ZNF385B: variants seen among roughly 807,000 people sequenced by gnomAD.
The protein encoded by ZNF385B is zinc finger protein 533.
In ZNF385B, 23 loss-of-function variants were observed where a neutral mutation model predicts 39.2. The observed-to-expected ratio is 0.59, with a 90% CI of 0.42 to 0.83. The LOEUF is 0.83. Ranked by LOEUF, ZNF385B falls within the 40% of genes least tolerant of loss-of-function variation. The pLI is 0.00. For synonymous variants in ZNF385B, 205 were observed against 222.6 expected, an observed-to-expected ratio of 0.92 and a Z score of 0.70; for missense variants, 552 against 598.9, an observed-to-expected ratio of 0.92 and a Z score of 0.82.
chr2:179,814,577 G>A (rs904165035), intron 1 of ZNF385B: 1 of 744,894 alleles, frequency 1.3e-6, no homozygotes, highest in South Asian at 1.3e-5. Flanking sequence ...AGGACAAGCA[G>A]GAGATGGTCG....
At chr2:179,634,833 G>C (rs938498723) in intron 3 of ZNF385B, among the ~76,000 whole-genome samples, 2 of 152,104 alleles carry the variant, frequency 1.3e-5, no homozygotes, top group African/African-American at 4.8e-5. Flanking sequence ...ACTGGATTAA[G>C]AAAATGTGGC....
At chr2:179,667,734 A>G (rs1372838410) in intron 3 of ZNF385B, among the ~76,000 whole-genome samples, 1 of 150,234 alleles carries the variant, frequency 6.7e-6, no homozygotes, top group Non-Finnish European at 1.5e-5. Flanking sequence ...GAAGAAGGAA[A>G]GGTCCCTAGA....
chr2:179,570,045 T>C (rs1685035594), intron 3 of ZNF385B, among the ~76,000 whole-genome samples: 1 of 152,200 alleles, frequency 6.6e-6, no homozygotes, highest in African/African-American at 2.4e-5. Context: ...ATTCTGAGTC[T>C]GACTGGACAC....
chr2:179,624,904 C>T (rs116011715), intron 3 of ZNF385B, among the ~76,000 whole-genome samples: 5,579 of 152,192 alleles, frequency 0.037, 143 homozygotes, highest in Middle Eastern at 0.065. Flanking sequence ...CATCCAGTTC[C>T]GTTAAATTCT....
intron 6 of ZNF385B, among the ~76,000 whole-genome samples, chr2:179,464,923 T>C (rs879681120): frequency 6.6e-6 from 1 of 152,136 alleles, no homozygotes; most frequent in Non-Finnish European, 1.5e-5. Flanking sequence ...GAAATCTCCA[T>C]GTTCTAAAAG....
chr2:179,599,918 G>A (rs1213457573), intron 3 of ZNF385B, among the ~76,000 whole-genome samples: 3 of 152,186 alleles, frequency 2.0e-5, no homozygotes, highest in African/African-American at 4.8e-5. Flanking sequence ...ATTGGGCTAC[G>A]AGGCAAAGCT....
At chr2:179,797,904 A>G (rs911704568) in intron 1 of ZNF385B, among the ~76,000 whole-genome samples, 1 of 152,134 alleles carries the variant, frequency 6.6e-6, no homozygotes, top group African/African-American at 2.4e-5. Flanking sequence ...CCTACCATTC[A>G]TTCATTTATG....
chr2:179,548,633 C>T lies in ZNF385B; in HGVS notation c.299-3664G>A, dbSNP rs191317731. ...CAGTTCTACATGGCTGGAGAGGCCT[C>T]ACAACCATAGTGGAAGGCAAAGGAG... is the stretch of plus-strand genomic sequence containing the variant. On this transcript the variant is annotated intron_variant, in intron 3 of 9. Coordinates refer to ENST00000410066, the MANE Select transcript of ZNF385B (RefSeq NM_152520.6). 4.5e-4 allele frequency among the ~76,000 whole-genome samples: 67 copies of T among 149,504 alleles called. 3 individuals carry two copies. The highest frequency in any genetic ancestry group is 8.0e-4 in the Non-Finnish European group (54 of 67,652).
chr2:179,463,440 G>T (rs551308265), intron 6 of ZNF385B, among the ~76,000 whole-genome samples: 182 of 152,194 alleles, frequency 1.2e-3, no homozygotes, highest in African/African-American at 4.2e-3. Context: ...TGCCATGGTG[G>T]TTTGCTGCAC....
At chr2:179,704,373 T>C (rs12470217) in intron 3 of ZNF385B, among the ~76,000 whole-genome samples, 17,731 of 152,196 alleles carry the variant, frequency 0.12, 1,117 homozygotes, top group East Asian at 0.22. Context: ...AACTCTAGGA[T>C]GTAGGATTTG....
At chr2:179,608,837 C>T (rs1689045437) in intron 3 of ZNF385B, among the ~76,000 whole-genome samples, 1 of 134,460 alleles carries the variant, frequency 7.4e-6, no homozygotes, top group Non-Finnish European at 1.6e-5. Context: ...CCTGAAGGGC[C>T]AAGACTGTGT....
At chr2:179,563,457 T>C (rs1684173847) in intron 3 of ZNF385B, among the ~76,000 whole-genome samples, 1 of 152,136 alleles carries the variant, frequency 6.6e-6, no homozygotes, top group Non-Finnish European at 1.5e-5. Context: ...CTTAGCACAT[T>C]TACTAACCAC....
At chr2:179,607,955 C>T (rs962869486) in intron 3 of ZNF385B, among the ~76,000 whole-genome samples, 1 of 138,530 alleles carries the variant, frequency 7.2e-6, no homozygotes, top group African/African-American at 2.6e-5. Flanking sequence ...ACTCTTGTTG[C>T]CCAGGCTGGA....
chr2:179,581,450 C>A (rs560323082), intron 3 of ZNF385B, among the ~76,000 whole-genome samples: 1 of 152,180 alleles, frequency 6.6e-6, no homozygotes, highest in Non-Finnish European at 1.5e-5. Context: ...TTTTCAAATG[C>A]AAACATAGTT....
intron 3 of ZNF385B, among the ~76,000 whole-genome samples, chr2:179,689,522 A>T (rs960730389): frequency 3.3e-5 from 5 of 152,144 alleles, no homozygotes; most frequent in Admixed American, 2.0e-4. Context: ...AGAGAAAAGG[A>T]AGGGAACATG....
At position 179,605,688 on chromosome 2, in the gene ZNF385B, AT is replaced by A. The variant is rs1189374499; in HGVS notation, c.299-60720del. 2.0e-5 allele frequency among the ~76,000 whole-genome samples: 3 copies of A among 152,192 alleles called. No individual in the cohort carries two copies. In the East Asian group the frequency reaches 5.8e-4, roughly 29 times the overall value. ...CAGAAATCATTATCTCTTAAGACGC[AT>A]TTATTTTCATAAATTATCATGTGAG... On this transcript the variant is annotated intron_variant, in intron 3 of 9. Transcript: ENST00000410066.
At chr2:179,834,081 A>G (rs754363542) in intron 1 of ZNF385B, among the ~76,000 whole-genome samples, 2 of 152,138 alleles carry the variant, frequency 1.3e-5, no homozygotes, top group East Asian at 1.9e-4. Flanking sequence ...GGGAAGGAGA[A>G]AAAGAATGCT....
At chr2:179,713,756 A>C (rs541722746) in intron 3 of ZNF385B, among the ~76,000 whole-genome samples, 3 of 152,310 alleles carry the variant, frequency 2.0e-5, no homozygotes, top group African/African-American at 7.2e-5. Flanking sequence ...AAAAGCCTCT[A>C]GTTGGGTAAG....
At chr2:179,677,768 T>C (rs1697034525) in intron 3 of ZNF385B, among the ~76,000 whole-genome samples, 1 of 152,170 alleles carries the variant, frequency 6.6e-6, no homozygotes, top group African/African-American at 2.4e-5. Context: ...AAAAGCAGAC[T>C]AACCTGAAGA....
Sources: allele counts gnomAD v4.1 joint callset (sites outside exome capture counted in the v4.1 genomes callset), GRCh38; gene constraint gnomAD v4.1.1; transcripts MANE v1.5; gene names NCBI Gene and HGNC (gene_info 2026-07-23, HGNC 2026-07-21).